EFNA5: variants seen among roughly 807,000 people sequenced by gnomAD.
EFNA5 encodes the protein ephrin-A5.
In EFNA5, 5 loss-of-function variants were observed where a neutral mutation model predicts 22.9. That is an observed-to-expected ratio of 0.22 (90% CI 0.11 to 0.46). The LOEUF is 0.46. EFNA5 is among the 20% of genes least tolerant of loss of function. The pLI is 0.99. For synonymous variants in EFNA5, 113 were observed against 112.2 expected (o/e 1.01, Z -0.04); for missense variants, 237 against 293.3 (o/e 0.81, Z 1.40).
intron 1 of EFNA5, among the ~76,000 whole-genome samples, chr5:107,459,309 C>T (rs994615937): frequency 2.3e-4 from 34 of 150,016 alleles, no homozygotes; most frequent in Admixed American, 6.0e-4. Context: ...GTTGAGATCA[C>T]GTCACCACAC....
In EFNA5 at chr5:107,599,528, CTG is replaced by C. The variant is rs560145539; in HGVS notation, c.125+70959_125+70960del. Among the ~76,000 whole-genome samples, 32 of 152,274 alleles carry C rather than the reference CTG, an allele frequency of 2.1e-4. No homozygotes were observed. In the East Asian group the frequency reaches 6.0e-3, roughly 28 times the overall value. ...GGGACAGAAAGCAAGATTTCTCACTCTGTATCTTTTTCTATCATGTTGCTGTT... is the reference window on the plus strand; with the variant it reads ...GGGACAGAAAGCAAGATTTCTCACTCTATCTTTTTCTATCATGTTGCTGTT... On this transcript the variant is annotated intron_variant, in intron 1 of 4. Coordinates refer to ENST00000333274, the MANE Select transcript of EFNA5 (RefSeq NM_001962.3).
rs536664357 is a variant in EFNA5 at position 107,449,698 on chromosome 5, A to C, written c.126-22189T>G. Among the ~76,000 whole-genome samples, 7 of 152,376 alleles carry C rather than the reference A, an allele frequency of 4.6e-5. No individual in the cohort carries two copies. The East Asian group carries it at 1.3e-3, about 29-fold the overall frequency. On this transcript the variant is annotated intron_variant, in intron 1 of 4. Transcript: ENST00000333274. ...CTTAAGAAGCTCTCTAAGTTCCAAC[A>C]TTCCTGACAGAGGAATATAAATAAA...
chr5:107,485,813 C>T (rs941331702), intron 1 of EFNA5, among the ~76,000 whole-genome samples: 2 of 152,156 alleles, frequency 1.3e-5, no homozygotes, highest in South Asian at 2.1e-4. Flanking sequence ...CCACGGGTCT[C>T]GACCTCACCT....
chr5:107,566,337 T>C (rs752200269), intron 1 of EFNA5, among the ~76,000 whole-genome samples: 1 of 149,772 alleles, frequency 6.7e-6, no homozygotes, highest in Non-Finnish European at 1.5e-5. Flanking sequence ...TTTGTGGCAT[T>C]CATGTGTCTA....
intron 1 of EFNA5, among the ~76,000 whole-genome samples, chr5:107,491,248 C>T (rs17160038): frequency 0.034 from 5,183 of 152,286 alleles, 324 homozygotes; most frequent in African/African-American, 0.12. Flanking sequence ...ATGGTATATA[C>T]TTCAGGCAGC....
chr5:107,396,762 G>C (rs932540451), intron 2 of EFNA5, among the ~76,000 whole-genome samples: 1 of 152,160 alleles, frequency 6.6e-6, no homozygotes, highest in Non-Finnish European at 1.5e-5. Context: ...CTGAGGCTGA[G>C]AGAATTTAGA....
At chr5:107,447,242 CTAAG>C (rs1343997019) in intron 1 of EFNA5, among the ~76,000 whole-genome samples, 2 of 141,666 alleles carry the variant, frequency 1.4e-5, no homozygotes, top group African/African-American at 5.1e-5. Context: ...GCTCAAAAGA[CTAAG>C]TGTCTTCACA....
intron 1 of EFNA5, among the ~76,000 whole-genome samples, chr5:107,506,549 A>G (rs1023082003): frequency 6.6e-6 from 1 of 152,174 alleles, no homozygotes; most frequent in African/African-American, 2.4e-5. Context: ...GAGGAGAGGC[A>G]ATCTGGGGCC....
intron 1 of EFNA5, among the ~76,000 whole-genome samples, chr5:107,504,057 A>T (rs1747197831): frequency 6.6e-6 from 1 of 152,168 alleles, no homozygotes; most frequent in Non-Finnish European, 1.5e-5. Context: ...ACATTTTCAA[A>T]CATCAGTTAT....
At chr5:107,502,211 T>A (rs1747152061) in intron 1 of EFNA5, among the ~76,000 whole-genome samples, 1 of 152,212 alleles carries the variant, frequency 6.6e-6, no homozygotes, top group South Asian at 2.1e-4. Context: ...TCTCCAACTC[T>A]TAGAAAACGA....
chr5:107,532,869 C>T lies in EFNA5; in HGVS notation c.126-105360G>A, dbSNP rs140035188. Among the ~76,000 whole-genome samples, 654 of 152,308 alleles carry T rather than the reference C, an allele frequency of 4.3e-3. 7 individuals are homozygous for T. The highest frequency in any genetic ancestry group is 0.015 in the African/African-American group (626 of 41,546). Reference sequence around the variant, plus strand: ...ATACTTTACGCCAGACACAAGATTACCTAAGGTGTTCACACCACTGTTAAG... The same window carrying T: ...ATACTTTACGCCAGACACAAGATTATCTAAGGTGTTCACACCACTGTTAAG... On this transcript the variant is annotated intron_variant, in intron 1 of 4. Coordinates refer to ENST00000333274, the MANE Select transcript of EFNA5 (RefSeq NM_001962.3).
At chr5:107,569,572 T>TTTATATATATATTC (rs1748747452) in intron 1 of EFNA5, among the ~76,000 whole-genome samples, 1 of 125,220 alleles carries the variant, frequency 8.0e-6, no homozygotes, top group Non-Finnish European at 1.7e-5. Flanking sequence ...TATATATATA[T>TTTATATATATATTC]ATATATATAT....
At chr5:107,600,407 C>T (rs1159463470) in intron 1 of EFNA5, among the ~76,000 whole-genome samples, 3 of 152,060 alleles carry the variant, frequency 2.0e-5, no homozygotes, top group South Asian at 2.1e-4. Context: ...TATTCACTAA[C>T]GATTACAACC....
chr5:107,428,725 G>A (rs1748869711), intron 1 of EFNA5, among the ~76,000 whole-genome samples: 1 of 152,210 alleles, frequency 6.6e-6, no homozygotes, highest in Admixed American at 6.5e-5. Flanking sequence ...AAGCTGGACA[G>A]TCTGAGTGTG....
intron 1 of EFNA5, among the ~76,000 whole-genome samples, chr5:107,481,675 C>G (rs1322503947): frequency 6.6e-6 from 1 of 151,750 alleles, no homozygotes; most frequent in Non-Finnish European, 1.5e-5. Context: ...ATGGTGAAAC[C>G]GTGTCTCTGC....
At chr5:107,591,694 C>G (rs1749327966) in intron 1 of EFNA5, among the ~76,000 whole-genome samples, 1 of 146,440 alleles carries the variant, frequency 6.8e-6, no homozygotes, top group African/African-American at 2.6e-5. Context: ...GGTGGCGGGC[C>G]CCTGTAATCC....
intron 1 of EFNA5, among the ~76,000 whole-genome samples, chr5:107,515,206 T>G (rs774674566): frequency 6.1e-4 from 91 of 148,840 alleles, no homozygotes; most frequent in Non-Finnish European, 9.2e-4. Context: ...CTGGCTAATT[T>G]TTGTATTTTT....
chr5:107,559,544 C>G (rs1748493829), intron 1 of EFNA5, among the ~76,000 whole-genome samples: 2 of 152,148 alleles, frequency 1.3e-5, no homozygotes, highest in Admixed American at 1.3e-4. Flanking sequence ...ATAACGAATG[C>G]TAACTTTACA....
chr5:107,448,866 T>TAAATAAATAAAATAAAATA (rs111606856), intron 1 of EFNA5, among the ~76,000 whole-genome samples: 55 of 141,366 alleles, frequency 3.9e-4, no homozygotes, highest in African/African-American at 8.6e-4. Context: ...AATAAATAAA[T>TAAATAAATAAAATAAAATA]AAATAAAATA....
Sources: gnomAD v4.1 joint callset for allele counts (sites outside exome capture counted in the v4.1 genomes callset) on GRCh38, gnomAD v4.1.1 for gene constraint, MANE v1.5 for transcripts, NCBI Gene and HGNC (gene_info 2026-07-23, HGNC 2026-07-21) for gene names.